The following HIVEP3 variants were observed in gnomAD, a reference collection of about 807,000 sequenced individuals.
HIVEP3 encodes transcription factor HIVEP3.
In HIVEP3, 49 loss-of-function variants were observed where a neutral mutation model predicts 152.8. The ratio of observed to expected loss-of-function variants is 0.32; its 90% CI spans 0.26 to 0.41. The LOEUF is 0.41. Ranked by LOEUF, HIVEP3 falls within the 10% of genes least tolerant of loss-of-function variation. HIVEP3 has a pLI of 1.00. For missense variants in HIVEP3, 2,790 were observed against 3,103.3 expected (o/e 0.90, Z 2.40); for synonymous variants, 1,269 against 1,289.0 (o/e 0.98, Z 0.33).
intron 1 of HIVEP3, among the ~76,000 whole-genome samples, chr1:41,912,465 C>A (rs1644811979): frequency 6.6e-6 from 1 of 152,152 alleles, no homozygotes; most frequent in Non-Finnish European, 1.5e-5. Context: ...AGATGCTCTC[C>A]TCAATTGTAA....
At chr1:41,795,572 T>A (rs1649937898) in intron 1 of HIVEP3, among the ~76,000 whole-genome samples, 1 of 152,232 alleles carries the variant, frequency 6.6e-6, no homozygotes, top group Non-Finnish European at 1.5e-5. Flanking sequence ...TTAAGCTCCA[T>A]CTGCTGGAAG....
At chr1:41,874,505 T>C (rs1023867885) in intron 1 of HIVEP3, among the ~76,000 whole-genome samples, 5 of 152,174 alleles carry the variant, frequency 3.3e-5, no homozygotes, top group African/African-American at 1.2e-4. Flanking sequence ...GTTCGAAATG[T>C]GGACTTCAGC....
At chr1:41,613,392 A>G (rs1038775272) in intron 3 of HIVEP3, among the ~76,000 whole-genome samples, 3 of 152,210 alleles carry the variant, frequency 2.0e-5, no homozygotes, top group African/African-American at 7.2e-5. Context: ...ATCTTTTCAC[A>G]TGCCCATCTC....
intron 1 of HIVEP3, among the ~76,000 whole-genome samples, chr1:41,750,048 A>G (rs561835557): frequency 1.3e-5 from 2 of 152,316 alleles, no homozygotes; most frequent in East Asian, 3.9e-4. Flanking sequence ...TGTAATCCTT[A>G]GAGGCGGTGG....
chr1:41,938,144 C>A (rs1034298161), intron 1 of HIVEP3, among the ~76,000 whole-genome samples: 1 of 152,160 alleles, frequency 6.6e-6, no homozygotes, highest in East Asian at 1.9e-4. Flanking sequence ...AATTTAAATG[C>A]CATCTCCTCA....
intron 1 of HIVEP3, among the ~76,000 whole-genome samples, chr1:41,762,556 A>T (rs928647509): frequency 6.6e-6 from 1 of 152,178 alleles, no homozygotes; most frequent in African/African-American, 2.4e-5. Flanking sequence ...GTGCCACCGC[A>T]TTCCCCTCAT....
intron 1 of HIVEP3, among the ~76,000 whole-genome samples, chr1:41,713,894 G>A (rs1234138724): frequency 1.3e-5 from 2 of 152,236 alleles, no homozygotes; most frequent in Non-Finnish European, 2.9e-5. Context: ...GTGGGAGGGT[G>A]GCAGGGAGCT....
intron 1 of HIVEP3, among the ~76,000 whole-genome samples, chr1:41,917,795 G>A (rs1030666049): frequency 5.3e-5 from 8 of 152,092 alleles, no homozygotes; most frequent in African/African-American, 1.4e-4. Flanking sequence ...CAGGTTGGGG[G>A]TTGGGAAATG....
chr1:41,545,312 CGCT>C (rs1643733232), intron 5 of HIVEP3, among the ~76,000 whole-genome samples: 1 of 141,176 alleles, frequency 7.1e-6, no homozygotes. Context: ...CTACCACCAT[CGCT>C]ACCATCGCCA....
At chr1:41,899,370 GAA>G (rs1644583464) in intron 1 of HIVEP3, among the ~76,000 whole-genome samples, 1 of 152,174 alleles carries the variant, frequency 6.6e-6, no homozygotes, top group African/African-American at 2.4e-5. Flanking sequence ...TTATGTGGAA[GAA>G]AACAAACATT....
At chr1:41,551,250 T>C in intron 5 of HIVEP3, among the ~76,000 whole-genome samples, 1 of 152,172 alleles carries the variant, frequency 6.6e-6, no homozygotes, top group East Asian at 1.9e-4. Context: ...TGGATAAGCT[T>C]TTTGATGTGC....
chr1:41,772,613 C>T (rs981976898), intron 1 of HIVEP3, among the ~76,000 whole-genome samples: 1 of 152,020 alleles, frequency 6.6e-6, no homozygotes, highest in Admixed American at 6.6e-5. Context: ...AGAGAACAAA[C>T]AAAGAATAAA....
intron 1 of HIVEP3, among the ~76,000 whole-genome samples, chr1:41,862,958 G>A (rs930655596): frequency 5.3e-5 from 8 of 152,144 alleles, no homozygotes; most frequent in African/African-American, 1.7e-4. Context: ...GCAGCGGGAG[G>A]GAAGGAAACA....
chr1:41,669,211 G>C (rs758901498), intron 2 of HIVEP3, among the ~76,000 whole-genome samples: 13 of 152,312 alleles, frequency 8.5e-5, no homozygotes, highest in Non-Finnish European at 1.5e-4. Context: ...TATTTAGAAA[G>C]GGCTGAGTCA....
intron 1 of HIVEP3, among the ~76,000 whole-genome samples, chr1:42,024,723 T>A (rs997842002): frequency 6.6e-6 from 1 of 152,256 alleles, no homozygotes; most frequent in African/African-American, 2.4e-5. Context: ...CTCAGCTTTT[T>A]CCATCTGCAA....
chr1:41,897,980 AG>A (rs1644560983), intron 1 of HIVEP3, among the ~76,000 whole-genome samples: 48 of 116,046 alleles, frequency 4.1e-4, no homozygotes, highest in African/African-American at 1.6e-3. Context: ...AGAGAGAGAG[AG>A]GTGCTGGGAG....
intron 1 of HIVEP3, among the ~76,000 whole-genome samples, chr1:41,974,221 T>A (rs1645246883): frequency 1.3e-5 from 2 of 152,012 alleles, no homozygotes; most frequent in Admixed American, 6.6e-5. Context: ...TCAGGCAGAC[T>A]AATAACAGGA....
intron 1 of HIVEP3, among the ~76,000 whole-genome samples, chr1:41,791,711 T>C (rs1387521871): frequency 6.6e-6 from 1 of 152,146 alleles, no homozygotes; most frequent in Non-Finnish European, 1.5e-5. Flanking sequence ...TAAGCCACTG[T>C]TATTTTAGTT....
chr1:41,655,582 CAAAA>C (rs55918119), intron 2 of HIVEP3, among the ~76,000 whole-genome samples: 51 of 57,432 alleles, frequency 8.9e-4, no homozygotes, highest in South Asian at 2.4e-3. Flanking sequence ...CACTCCATCT[CAAAA>C]AAAAAAAAAA....
Sources: allele counts gnomAD v4.1 joint callset (sites outside exome capture counted in the v4.1 genomes callset), GRCh38; gene constraint gnomAD v4.1.1; transcripts MANE v1.5; gene names NCBI Gene and HGNC (gene_info 2026-07-23, HGNC 2026-07-21).